Variants in CCDC171 observed in about 807,000 individuals in gnomAD.
CCDC171 encodes the protein coiled-coil domain-containing protein 171.
In CCDC171, 177 loss-of-function variants were observed where a neutral mutation model predicts 168.2. The observed-to-expected ratio is 1.05, with a 90% CI of 0.93 to 1.19. CCDC171 has a LOEUF of 1.19. Ranked by LOEUF, CCDC171 falls within the 50% of genes most tolerant of loss-of-function variation. The pLI is 0.00. For missense variants in CCDC171, 1,991 were observed against 1,539.0 expected, an observed-to-expected ratio of 1.29 and a Z score of -4.91; for synonymous variants, 687 against 540.8, an observed-to-expected ratio of 1.27 and a Z score of -3.75.
At chr9:16,009,348 G>T (rs531782478) in intron 3 of CCDC171, among the ~76,000 whole-genome samples, 108 of 152,266 alleles carry the variant, frequency 7.1e-4, no homozygotes, top group African/African-American at 2.4e-3. Context: ...ATCAAATATT[G>T]AGGTACAGTC....
chr9:15,765,501 GA>G (rs2056673506), intron 18 of CCDC171, among the ~76,000 whole-genome samples: 1 of 152,228 alleles, frequency 6.6e-6, no homozygotes, highest in South Asian at 2.1e-4. Flanking sequence ...TAACAGGAGG[GA>G]AGGCAGAGTA....
intron 25 of CCDC171, among the ~76,000 whole-genome samples, chr9:15,926,796 T>C (rs1825946603): frequency 6.6e-6 from 1 of 151,666 alleles, no homozygotes; most frequent in Non-Finnish European, 1.5e-5. Flanking sequence ...TTTCTGATAG[T>C]TATATGTATT....
Position 15,781,664 on chromosome 9 carries a change from C to CA in CCDC171, c.3081+2515dup, listed in dbSNP as rs2057675189. Among the ~76,000 whole-genome samples, 4 of 152,286 alleles carry CA rather than the reference C, an allele frequency of 2.6e-5. No homozygotes were observed. In the South Asian group the frequency reaches 8.3e-4, roughly 32 times the overall value. The stretch of plus-strand genomic sequence containing the variant: ...CTGACCTCAGGTTATCTGCCTACCT[C>CA]AGCCTGCCAAAATGCTGGGATTACA... On this transcript the variant is annotated intron_variant, in intron 20 of 25. Transcript: ENST00000380701.
chr9:15,678,358 G>A (rs2049789412), intron 9 of CCDC171, among the ~76,000 whole-genome samples: 1 of 152,104 alleles, frequency 6.6e-6, no homozygotes, highest in Non-Finnish European at 1.5e-5. Flanking sequence ...ATTCAGATGT[G>A]AGACATTTGT....
intron 7 of CCDC171, among the ~76,000 whole-genome samples, chr9:15,625,928 T>C (rs1349359369): frequency 1.3e-5 from 2 of 152,216 alleles, no homozygotes; most frequent in Non-Finnish European, 1.5e-5. Context: ...ATTTTCACGA[T>C]ATTGCTTCTT....
chr9:15,807,603 C>G (rs1016564089), intron 21 of CCDC171, among the ~76,000 whole-genome samples: 1 of 152,002 alleles, frequency 6.6e-6, no homozygotes, highest in Non-Finnish European at 1.5e-5. Flanking sequence ...GGTGATCTCT[C>G]TGGAAATTGC....
chr9:15,915,649 G>T (rs768061228), intron 24 of CCDC171, among the ~76,000 whole-genome samples: 1 of 152,062 alleles, frequency 6.6e-6, no homozygotes, highest in African/African-American at 2.4e-5. Flanking sequence ...CTTCAGTACT[G>T]TGTGGAATAA....
chr9:16,053,362 A>G (rs547876759), intron 1 of CCDC171, among the ~76,000 whole-genome samples: 7 of 152,210 alleles, frequency 4.6e-5, no homozygotes, highest in Admixed American at 3.3e-4. Context: ...GCCTCGCCTG[A>G]GTTTTTGGTG....
rs370099959 is a variant in CCDC171 at position 15,831,677 on chromosome 9, C to G, written c.3268-15025C>G. Among the ~76,000 whole-genome samples the G allele has an allele frequency of 4.6e-5, 7 of 152,098 alleles. No homozygotes were observed. In the East Asian group the frequency reaches 1.3e-3, roughly 29 times the overall value. ...CAGTTAGTTTTGAGCTTTAACTTGT[C>G]TTTAGGTTTTCTTTAAAAAACAGAG... On this transcript the variant is annotated intron_variant, in intron 21 of 25. Coordinates refer to ENST00000380701, the MANE Select transcript of CCDC171 (RefSeq NM_173550.4).
At chr9:15,749,937 C>G (rs1356446683) in intron 18 of CCDC171, among the ~76,000 whole-genome samples, 2 of 151,440 alleles carry the variant, frequency 1.3e-5, no homozygotes, top group South Asian at 4.2e-4. Flanking sequence ...CACACAGATT[C>G]AAAAGCTAGC....
the CCDC171 span, among the ~76,000 whole-genome samples, chr9:16,080,625 G>A: frequency 4.6e-5 from 7 of 152,236 alleles, no homozygotes; most frequent in Non-Finnish European, 7.4e-5. Context: ...TGAGATCTTG[G>A]AAGATCCTCG....
At chr9:15,863,563 A>G (rs888523332) in intron 23 of CCDC171, among the ~76,000 whole-genome samples, 1 of 151,972 alleles carries the variant, frequency 6.6e-6, no homozygotes, top group Admixed American at 6.6e-5. Flanking sequence ...TTCAAAATTT[A>G]TATTTTGCTT....
chr9:16,036,657 A>C (rs1451464171), intron 8 of CCDC171, among the ~76,000 whole-genome samples: 2 of 152,182 alleles, frequency 1.3e-5, no homozygotes, highest in Non-Finnish European at 2.9e-5. Flanking sequence ...ACAAACAAAC[A>C]AGCAAAAAAC....
chr9:15,715,256 T>G (rs948125129), intron 11 of CCDC171, among the ~76,000 whole-genome samples: 1 of 152,200 alleles, frequency 6.6e-6, no homozygotes, highest in Non-Finnish European at 1.5e-5. Context: ...ATAAATACTT[T>G]CCATATGTTA....
At chr9:16,048,915 T>C (rs1586860451) in intron 1 of CCDC171, among the ~76,000 whole-genome samples, 1 of 148,098 alleles carries the variant, frequency 6.8e-6, no homozygotes, top group East Asian at 2.0e-4. Flanking sequence ...GAGACAGAAG[T>C]GATGAGTTTG....
At chr9:15,611,797 T>C (rs2043718158) in intron 6 of CCDC171, among the ~76,000 whole-genome samples, 1 of 152,162 alleles carries the variant, frequency 6.6e-6, no homozygotes, top group South Asian at 2.1e-4. Flanking sequence ...ACAATGCTCC[T>C]GTATTCATTT....
intron 6 of CCDC171, among the ~76,000 whole-genome samples, chr9:15,597,552 T>G (rs1272753156): frequency 6.6e-6 from 1 of 152,148 alleles, no homozygotes; most frequent in Admixed American, 6.6e-5. Flanking sequence ...TTTGCCAGTA[T>G]TTTTTTGAGG....
chr9:16,101,924 G>A, the CCDC171 span, among the ~76,000 whole-genome samples: 1 of 152,230 alleles, frequency 6.6e-6, no homozygotes, highest in Non-Finnish European at 1.5e-5. Flanking sequence ...TGAGACCTGA[G>A]TAGAGAACCT....
At chr9:16,030,552 T>C (rs976448315) in intron 6 of CCDC171, among the ~76,000 whole-genome samples, 4 of 152,178 alleles carry the variant, frequency 2.6e-5, no homozygotes, top group East Asian at 3.9e-4. Context: ...TATGAACATT[T>C]GATATGCAAA....
Sources: allele counts gnomAD v4.1 joint callset (sites outside exome capture counted in the v4.1 genomes callset), GRCh38; gene constraint gnomAD v4.1.1; transcripts MANE v1.5; gene names NCBI Gene and HGNC (gene_info 2026-07-23, HGNC 2026-07-21).